Variants in CACNA2D3 observed in about 807,000 individuals in gnomAD.
CACNA2D3 encodes calcium voltage-gated channel auxiliary subunit alpha2delta 3, also known as voltage-dependent calcium channel subunit alpha-2/delta-3.
Under a neutral mutation model 160.6 loss-of-function variants are expected in CACNA2D3, and 60 were observed. The observed-to-expected ratio is 0.37, with a 90% CI of 0.30 to 0.46. The LOEUF is 0.46. Ranked by LOEUF, CACNA2D3 falls within the 20% of genes least tolerant of loss-of-function variation. The pLI is 1.00. For missense variants in CACNA2D3, 1,205 were observed against 1,365.0 expected (o/e 0.88, Z 1.85); for synonymous variants, 558 against 492.9 (o/e 1.13, Z -1.75).
intron 2 of CACNA2D3, among the ~76,000 whole-genome samples, chr3:54,191,585 A>G (rs929845123): frequency 1.3e-5 from 2 of 152,200 alleles, no homozygotes; most frequent in Middle Eastern, 3.4e-3. Flanking sequence ...GTACAAGGAA[A>G]TCGGTGATAC....
intron 2 of CACNA2D3, among the ~76,000 whole-genome samples, chr3:54,287,149 C>T (rs543553570): frequency 6.6e-6 from 1 of 152,122 alleles, no homozygotes; most frequent in African/African-American, 2.4e-5. Context: ...GATAAAGAGT[C>T]AAGACCCATC....
intron 27 of CACNA2D3, among the ~76,000 whole-genome samples, chr3:54,954,371 G>C (rs1025006003): frequency 3.3e-5 from 5 of 152,224 alleles, no homozygotes; most frequent in Non-Finnish European, 5.9e-5. Flanking sequence ...GCAGGGCTTA[G>C]AGCAGGGATG....
rs748264157 is a variant in CACNA2D3 at position 54,570,038 on chromosome 3, C to T, written c.822C>T (p.Ile274=). ...SGSMKGLRLT[I]AKQTVSSILD... Reference sequence around the variant, plus strand: ...GCATGAAAGGACTCCGTCTGACTATCGCGAAGCAAACAGTCTCATCCATTT... The same window carrying T: ...GCATGAAAGGACTCCGTCTGACTATTGCGAAGCAAACAGTCTCATCCATTT... Residue 274 remains isoleucine (I), a synonymous_variant, in exon 8 of 38, where the codon ATC becomes ATT. Transcript: ENST00000474759. 27 of 1,613,968 alleles carry T rather than the reference C, an allele frequency of 1.7e-5. No homozygotes were observed. Among genetic ancestry groups the T allele is most frequent in the South Asian group, 1.4e-4 (13 of 91,088 alleles).
chr3:54,806,018 A>T (rs1703111730), intron 13 of CACNA2D3, among the ~76,000 whole-genome samples: 2 of 152,196 alleles, frequency 1.3e-5, no homozygotes, highest in East Asian at 3.9e-4. Flanking sequence ...CATGCTAAAA[A>T]CTCTCAATAA....
intron 6 of CACNA2D3, among the ~76,000 whole-genome samples, chr3:54,564,059 C>T (rs781696744): frequency 2.7e-4 from 41 of 152,306 alleles, no homozygotes; most frequent in Admixed American, 3.9e-4. Context: ...TGCAGTCTGC[C>T]TTGATACACT....
At chr3:55,066,510 T>C (rs975101168) in intron 35 of CACNA2D3, among the ~76,000 whole-genome samples, 4 of 152,120 alleles carry the variant, frequency 2.6e-5, no homozygotes, top group Non-Finnish European at 5.9e-5. Flanking sequence ...CCATCCCGCG[T>C]GCTTGTTTGG....
chr3:54,429,536 C>T (rs532964379), intron 4 of CACNA2D3, among the ~76,000 whole-genome samples: 21 of 152,116 alleles, frequency 1.4e-4, no homozygotes, highest in African/African-American at 5.1e-4. Context: ...TTTGTAGTAC[C>T]CTCTTTAAGA....
At chr3:54,870,701 T>C (rs1385847771) in intron 17 of CACNA2D3, among the ~76,000 whole-genome samples, 2 of 152,152 alleles carry the variant, frequency 1.3e-5, no homozygotes, top group African/African-American at 2.4e-5. Flanking sequence ...ACTCATCAGC[T>C]TTTCCGGAGA....
chr3:54,346,977 T>C (rs1353031773), intron 3 of CACNA2D3, among the ~76,000 whole-genome samples: 3 of 152,250 alleles, frequency 2.0e-5, no homozygotes, highest in Non-Finnish European at 4.4e-5. Flanking sequence ...GCATACAGTT[T>C]AAAATGTACA....
Position 54,969,798 on chromosome 3 carries a change from A to G in CACNA2D3, c.2512-2A>G. ...ATTTCCCTCCACTTTTTGCCTTCAC[A>G]GTGTGCTTCCCTGGATGGCAAATGC... On this transcript the variant is annotated splice_acceptor_variant, in intron 28 of 37. Coordinates refer to ENST00000474759, the MANE Select transcript of CACNA2D3 (RefSeq NM_018398.3). LOFTEE classifies it high-confidence loss of function. 1 of 1,611,652 alleles carries G rather than the reference A, an allele frequency of 6.2e-7. No individual in the cohort carries two copies.
intron 11 of CACNA2D3, among the ~76,000 whole-genome samples, chr3:54,648,169 G>C (rs1466733041): frequency 6.6e-6 from 1 of 152,216 alleles, no homozygotes; most frequent in Non-Finnish European, 1.5e-5. Context: ...ACAAACTGTG[G>C]TCCATGTGCC....
chr3:54,741,404 C>G (rs1701645391), intron 11 of CACNA2D3, among the ~76,000 whole-genome samples: 1 of 152,098 alleles, frequency 6.6e-6, no homozygotes, highest in Non-Finnish European at 1.5e-5. Flanking sequence ...TTCACAACAT[C>G]ATTCTGGTTC....
intron 35 of CACNA2D3, among the ~76,000 whole-genome samples, chr3:55,028,487 C>T (rs1703612624): frequency 6.6e-6 from 1 of 152,130 alleles, no homozygotes; most frequent in Admixed American, 6.5e-5. Flanking sequence ...GCATTTGTGA[C>T]TGTCAACAAG....
chr3:54,502,013 C>T (rs1701302622), intron 4 of CACNA2D3, among the ~76,000 whole-genome samples: 1 of 152,144 alleles, frequency 6.6e-6, no homozygotes, highest in Non-Finnish European at 1.5e-5. Flanking sequence ...ATCCCTGTTC[C>T]CCTACAGGTA....
At chr3:54,543,193 C>G (rs981090554) in intron 5 of CACNA2D3, among the ~76,000 whole-genome samples, 2 of 152,190 alleles carry the variant, frequency 1.3e-5, no homozygotes, top group Non-Finnish European at 2.9e-5. Flanking sequence ...ACTGCTGTTA[C>G]AGATCAGAGC....
At chr3:54,943,555 G>A (rs1701531714) in intron 27 of CACNA2D3, among the ~76,000 whole-genome samples, 1 of 152,058 alleles carries the variant, frequency 6.6e-6, no homozygotes, top group Admixed American at 6.6e-5. Flanking sequence ...TAATAGCATG[G>A]TATGTGTTTT....
intron 23 of CACNA2D3, 149 bp downstream of exon 23, chr3:54,885,735 T>C: frequency 1.6e-6 from 1 of 645,152 alleles, no homozygotes; most frequent in Non-Finnish European, 2.8e-6. Flanking sequence ...CTGCTTCCTG[T>C]AGGAACAGGA....
intron 2 of CACNA2D3, among the ~76,000 whole-genome samples, chr3:54,220,420 A>C (rs1259061089): frequency 1.3e-5 from 2 of 152,220 alleles, no homozygotes; most frequent in Non-Finnish European, 2.9e-5. Context: ...CTGAGATGCT[A>C]ATGTAGCACT....
chr3:54,916,359 GT>G (rs1270941402), intron 27 of CACNA2D3, among the ~76,000 whole-genome samples: 6 of 152,122 alleles, frequency 3.9e-5, no homozygotes, highest in African/African-American at 1.4e-4. Flanking sequence ...TAGTCACTAC[GT>G]CCATAAAGAA....
Sources: gnomAD v4.1 joint callset for allele counts (sites outside exome capture counted in the v4.1 genomes callset) on GRCh38, gnomAD v4.1.1 for gene constraint, MANE v1.5 for transcripts, NCBI Gene and HGNC (gene_info 2026-07-23, HGNC 2026-07-21) for gene names.